RTN4: variants seen among roughly 807,000 people sequenced by gnomAD.
RTN4 encodes reticulon-4.
A neutral mutation model predicts 90.4 loss-of-function variants in RTN4; 32 were observed. The observed-to-expected ratio is 0.35, with a 90% CI of 0.27 to 0.48. The LOEUF (loss-of-function observed/expected upper bound fraction) is 0.48, where lower values mean the gene tolerates loss of function less well. Among genes scored for constraint, RTN4 ranks in the 20% least tolerant of loss-of-function variants. The pLI, the probability that RTN4 is intolerant of heterozygous loss-of-function variation, is 0.99. For missense variants in RTN4, 1,706 were observed against 1,430.2 expected (o/e 1.19, Z -3.11); for synonymous variants, 629 against 552.5 (o/e 1.14, Z -1.94).
At chr2:55,059,521 T>G (rs1468102041) in intron 2 of RTN4, among the ~76,000 whole-genome samples, 1 of 152,030 alleles carries the variant, frequency 6.6e-6, no homozygotes, top group Non-Finnish European at 1.5e-5. Context: ...ACCTGGCTAA[T>G]TTTTGTATAT....
At chr2:55,039,625 C>G (rs1682932554) in intron 1 of RTN4, among the ~76,000 whole-genome samples, 1 of 152,044 alleles carries the variant, frequency 6.6e-6, no homozygotes, top group Non-Finnish European at 1.5e-5. Flanking sequence ...ACTAAAAATA[C>G]AAAAATTAGC....
At position 55,080,594 on chromosome 2, in the gene RTN4, T is replaced by G. The variant is rs191603724; in HGVS notation, c.-168A>C. 21 of 152,286 alleles carry G rather than the reference T, an allele frequency of 1.4e-4. No individual in the cohort carries two copies. In the East Asian group the frequency reaches 4.1e-3, roughly 29 times the overall value. 9.4% of individuals were successfully genotyped at this position (152,286 alleles called of 1,614,324 possible). On this transcript the variant is annotated 5_prime_UTR_variant, in exon 2 of 4. Coordinates refer to the RTN4 transcript ENST00000427710. ...AATGGCTTAGTATCTTATTCCTCAG[T>G]GTTACTCATATCCAGAATAGTCTTG...
At chr2:55,012,718 G>A (rs989191927) in intron 3 of RTN4, among the ~76,000 whole-genome samples, 4 of 152,106 alleles carry the variant, frequency 2.6e-5, no homozygotes, top group African/African-American at 4.8e-5. Flanking sequence ...AGACAAGTAA[G>A]GCACATCTAA....
intron 1 of RTN4, among the ~76,000 whole-genome samples, chr2:55,086,415 C>T (rs1000827258): frequency 2.6e-5 from 4 of 151,654 alleles, no homozygotes; most frequent in Admixed American, 6.6e-5. Flanking sequence ...AATCCCAGAA[C>T]GTTGGGAGGC....
chr2:55,039,742 G>A lies in RTN4; in HGVS notation c.556+10003C>T, dbSNP rs906123152. On this transcript the variant is annotated intron_variant, in intron 1 of 8. Transcript: ENST00000337526. ...TGCAGTGAGCCAAACTTACACCACT[G>A]CACTCCAGCCTGGGTGACAAGAGTG... is the stretch of plus-strand genomic sequence containing the variant. Among the ~76,000 whole-genome samples, 5 of 152,164 alleles carry A rather than the reference G, an allele frequency of 3.3e-5. No individual in the cohort carries two copies. In the East Asian group the frequency reaches 9.6e-4, roughly 29 times the overall value.
At chr2:55,022,681 C>A (rs1438353039) in intron 3 of RTN4, among the ~76,000 whole-genome samples, 4 of 152,060 alleles carry the variant, frequency 2.6e-5, no homozygotes, top group Non-Finnish European at 4.4e-5. Context: ...GGACTCTAAC[C>A]CCAGTATTCC....
chr2:55,087,795 G>T (rs796743234), intron 1 of RTN4, among the ~76,000 whole-genome samples: 8 of 152,152 alleles, frequency 5.3e-5, no homozygotes, highest in African/African-American at 1.9e-4. Context: ...ACTGCTATAA[G>T]CAGCCTGTGA....
chr2:55,129,577 G>GT, the RTN4 span, among the ~76,000 whole-genome samples: 201 of 149,980 alleles, frequency 1.3e-3, 2 homozygotes, highest in African/African-American at 4.4e-3. Flanking sequence ...AAGCAAGACT[G>GT]TTTTTTTTTT....
At chr2:55,078,380 A>T (rs78639432) in intron 2 of RTN4, among the ~76,000 whole-genome samples, 8,098 of 152,198 alleles carry the variant, frequency 0.053, 687 homozygotes, top group African/African-American at 0.18. Flanking sequence ...CTAGTTCTAC[A>T]GACATGTGCC....
At chr2:55,119,903 TC>T in the RTN4 span, among the ~76,000 whole-genome samples, 1 of 152,202 alleles carries the variant, frequency 6.6e-6, no homozygotes, top group African/African-American at 2.4e-5. Context: ...TTCTCATTTC[TC>T]CTTCTCTCAG....
intron 1 of RTN4, among the ~76,000 whole-genome samples, chr2:55,037,298 T>C (rs565637389): frequency 6.6e-6 from 1 of 152,356 alleles, no homozygotes; most frequent in South Asian, 2.1e-4. Flanking sequence ...CAGGAAACAG[T>C]TCTCTATGAG....
At position 55,025,191 on chromosome 2, in the gene RTN4, G is replaced by C; in HGVS notation, c.2908C>G (p.Pro970Ala). Reference sequence around the variant, plus strand: ...TCAGCTTCTTTCACAAGAACTTTGGGTTTAACTATGCTCTCTATCTCTGCT... The same window carrying C: ...TCAGCTTCTTTCACAAGAACTTTGGCTTTAACTATGCTCTCTATCTCTGCT... ...TQAEIESIVKPKVLVKEAEKK... is the reference protein window; with the variant it reads ...TQAEIESIVKAKVLVKEAEKK... The change falls in exon 3 of 9, where the codon CCC (proline) becomes GCC (alanine). Residue 970 changes from proline (P) to alanine (A), a missense_variant. Physicochemically the swap from Pro to Ala is conservative, Grantham distance 27 (BLOSUM62 -1). Coordinates refer to ENST00000337526, the MANE Select transcript of RTN4 (RefSeq NM_020532.5). The C allele has an allele frequency of 6.2e-7, 1 of 1,613,752 alleles. No individual in the cohort carries two copies. Among genetic ancestry groups the C allele is most frequent in the South Asian group, 1.1e-5 (1 of 91,066 alleles).
At chr2:55,028,766 C>A (rs1421743824) in intron 1 of RTN4, among the ~76,000 whole-genome samples, 4 of 147,216 alleles carry the variant, frequency 2.7e-5, no homozygotes, top group Non-Finnish European at 6.0e-5. Context: ...TGCCAATGTC[C>A]AAATGCCAGA....
At chr2:54,974,015 G>A in intron 6 of RTN4, 148 bp from the exon 7 acceptor site, 2 of 645,248 alleles carry the variant, frequency 3.1e-6, no homozygotes, top group East Asian at 2.9e-5. Flanking sequence ...GGATGCATCT[G>A]CTGTTGAGGA....
At chr2:54,997,245 C>G (rs1679501109) in intron 3 of RTN4, among the ~76,000 whole-genome samples, 1 of 152,032 alleles carries the variant, frequency 6.6e-6, no homozygotes, top group East Asian at 1.9e-4. Flanking sequence ...CCAATAAGCA[C>G]ATGAAAAAAT....
chr2:55,023,137 C>G (rs1186603374), intron 3 of RTN4, among the ~76,000 whole-genome samples: 1 of 152,148 alleles, frequency 6.6e-6, no homozygotes, highest in Non-Finnish European at 1.5e-5. Context: ...CTTCAAATTA[C>G]TCTCCTGCTA....
intron 1 of RTN4, among the ~76,000 whole-genome samples, chr2:55,089,375 G>T (rs930177673): frequency 1.2e-4 from 18 of 152,178 alleles, no homozygotes; most frequent in African/African-American, 4.3e-4. Context: ...GGACAGCACT[G>T]TTAAAGCCTT....
chr2:55,116,858 TTTTC>T (rs1558886616), upstream of RTN4, among the ~76,000 whole-genome samples: 1 of 143,010 alleles, frequency 7.0e-6, no homozygotes. Flanking sequence ...AGCTGTTTCT[TTTTC>T]TTTCTTTTTT....
Position 54,973,022 on chromosome 2 carries a change from T to TA in RTN4, c.*133dup, listed in dbSNP as rs1176015793. ...ATTTTTCCTCACAACAGTGCATGGC[T>TA]AAAAATAAAGATCTAACAACGATCT... On this transcript the variant is annotated 3_prime_UTR_variant, in exon 9 of 9. Transcript: ENST00000337526. The TA allele has an allele frequency of 3.1e-5, 21 of 681,062 alleles. No individual in the cohort carries two copies. Among genetic ancestry groups the TA allele is most frequent in the Non-Finnish European group, 4.8e-5 (19 of 399,350 alleles). 42.2% of individuals were successfully genotyped at this position (681,062 alleles called of 1,614,324 possible).
Sources: gnomAD v4.1 joint callset for allele counts (sites outside exome capture counted in the v4.1 genomes callset) on GRCh38, gnomAD v4.1.1 for gene constraint, MANE v1.5 for transcripts, NCBI Gene and HGNC (gene_info 2026-07-23, HGNC 2026-07-21) for gene names.